The following ROR2 variants were observed in gnomAD, a reference collection of about 807,000 sequenced individuals.
The protein encoded by ROR2 is ROR family WNT receptor 2, also known as tyrosine-protein kinase transmembrane receptor ROR2.
A neutral mutation model predicts 74.9 loss-of-function variants in ROR2; 33 were observed. The ratio of observed to expected loss-of-function variants is 0.44; its 90% CI spans 0.33 to 0.59. The LOEUF is 0.59. ROR2 is among the 20% of genes least tolerant of loss of function. The pLI is 0.02. For synonymous variants in ROR2, 586 were observed against 558.7 expected, an observed-to-expected ratio of 1.05 and a Z score of -0.69; for missense variants, 1,216 against 1,313.8, an observed-to-expected ratio of 0.93 and a Z score of 1.15.
chr9:91,894,101 T>C (rs1297559337), intron 1 of ROR2, among the ~76,000 whole-genome samples: 1 of 152,190 alleles, frequency 6.6e-6, no homozygotes, highest in Non-Finnish European at 1.5e-5. Flanking sequence ...CCCTTGTGAC[T>C]GGTCCCTGCT....
At chr9:91,917,509 A>C (rs889819957) in intron 1 of ROR2, among the ~76,000 whole-genome samples, 1 of 152,154 alleles carries the variant, frequency 6.6e-6, no homozygotes, top group African/African-American at 2.4e-5. Context: ...CACACCCCGA[A>C]TCTTTAAGAG....
chr9:91,733,162 G>A lies in ROR2; in HGVS notation c.897C>T (p.Asn299=). 1 of 1,606,122 alleles carries A rather than the reference G, an allele frequency of 6.2e-7. No individual in the cohort carries two copies. Among genetic ancestry groups the A allele is most frequent in the South Asian group, 1.1e-5 (1 of 89,826 alleles). The change falls in exon 6 of 9, where the codon AAC becomes AAT. Residue 299 remains asparagine, a synonymous_variant. Coordinates refer to ENST00000375708, the MANE Select transcript of ROR2 (RefSeq NM_004560.4). The surrounding 1 kb of genome is among the most constrained non-coding windows in gnomAD (Gnocchi z 5.7). ...CGGCTGGGATGCCAATGCGCATGCA[G>A]TTGGCAGCGTCGGGGCTCTCAGGCA... ...LPMPESPDAA[N]CMRIGIPAER... is the part of the protein sequence containing the mutation.
At chr9:91,819,714 T>G (rs950167692) in intron 1 of ROR2, among the ~76,000 whole-genome samples, 1 of 151,974 alleles carries the variant, frequency 6.6e-6, no homozygotes, top group Non-Finnish European at 1.5e-5. Context: ...GTGTTCTGTG[T>G]GTGTCTTTTG....
At chr9:91,777,143 C>T (rs538678611) in intron 1 of ROR2, among the ~76,000 whole-genome samples, 6 of 152,290 alleles carry the variant, frequency 3.9e-5, no homozygotes, top group East Asian at 1.9e-4. Flanking sequence ...ACTTATATTT[C>T]GAAATTTTAA....
At chr9:91,934,414 T>C (rs553598862) in intron 1 of ROR2, among the ~76,000 whole-genome samples, 2 of 152,280 alleles carry the variant, frequency 1.3e-5, no homozygotes, top group Non-Finnish European at 2.9e-5. Flanking sequence ...GAACAAATAA[T>C]TGGCCCCAGC....
chr9:91,738,565 C>T (rs1825114097), intron 4 of ROR2, among the ~76,000 whole-genome samples: 1 of 152,154 alleles, frequency 6.6e-6, no homozygotes, highest in Non-Finnish European at 1.5e-5. Context: ...ATAACGATGA[C>T]AATCCACAAG....
intron 1 of ROR2, among the ~76,000 whole-genome samples, chr9:91,847,652 G>A (rs571345453): frequency 1.6e-4 from 25 of 152,222 alleles, no homozygotes; most frequent in Non-Finnish European, 2.9e-4. Flanking sequence ...TCTCATTTCC[G>A]TGTGCAGCCT....
chr9:91,755,455 CT>C (rs1825717943), intron 4 of ROR2, among the ~76,000 whole-genome samples: 1 of 152,266 alleles, frequency 6.6e-6, no homozygotes. Flanking sequence ...GAGCACTCCT[CT>C]GGGTACACGA....
intron 1 of ROR2, among the ~76,000 whole-genome samples, chr9:91,826,418 T>C (rs7871688): frequency 6.6e-6 from 1 of 152,192 alleles, no homozygotes; most frequent in Non-Finnish European, 1.5e-5. Context: ...AAAAGAAATA[T>C]ACTGGTTAAT....
At chr9:91,857,860 T>C (rs940674493) in intron 1 of ROR2, among the ~76,000 whole-genome samples, 5 of 152,164 alleles carry the variant, frequency 3.3e-5, no homozygotes, top group African/African-American at 9.7e-5. Context: ...TCCCACCACA[T>C]TTTTCTTTAA....
intron 1 of ROR2, among the ~76,000 whole-genome samples, chr9:91,776,808 T>C (rs1826433957): frequency 6.6e-6 from 1 of 150,644 alleles, no homozygotes; most frequent in South Asian, 2.1e-4. Context: ...CAAACATACT[T>C]GCACTATATA....
chr9:91,854,564 C>T (rs576408656), intron 1 of ROR2, among the ~76,000 whole-genome samples: 47 of 152,232 alleles, frequency 3.1e-4, no homozygotes, highest in Non-Finnish European at 3.5e-4. Flanking sequence ...CTTCCTATTG[C>T]TGCCCCAGTT....
intron 1 of ROR2, among the ~76,000 whole-genome samples, chr9:91,927,915 T>C (rs1342226758): frequency 6.6e-6 from 1 of 152,126 alleles, no homozygotes; most frequent in East Asian, 1.9e-4. Context: ...GGGTCAATTG[T>C]ATCAACTATA....
chr9:91,761,009 T>C lies in ROR2; in HGVS notation c.176-3450A>G, dbSNP rs7871037. Among the ~76,000 whole-genome samples, 1,259 of 152,336 alleles carry C rather than the reference T, an allele frequency of 8.3e-3. 24 individuals are homozygous for C. The highest frequency in any genetic ancestry group is 0.028 in the African/African-American group (1,147 of 41,576). On this transcript the variant is annotated intron_variant, in intron 2 of 8. Coordinates refer to ENST00000375708, the MANE Select transcript of ROR2 (RefSeq NM_004560.4). ...AACTATTAGATAGCAATCATCTACA[T>C]AGTGTACTAATTTCCTGTGGCTGCT...
chr9:91,887,526 C>A (rs916524279), intron 1 of ROR2, among the ~76,000 whole-genome samples: 1 of 152,140 alleles, frequency 6.6e-6, no homozygotes, highest in Non-Finnish European at 1.5e-5. Context: ...CAAGTTTTTT[C>A]CCACTGTTCT....
At chr9:91,818,152 T>G (rs1828007463) in intron 1 of ROR2, among the ~76,000 whole-genome samples, 2 of 152,318 alleles carry the variant, frequency 1.3e-5, no homozygotes, top group Non-Finnish European at 2.9e-5. Flanking sequence ...AAAGTTTGAC[T>G]TCTTTCCAAG....
At chr9:91,892,052 G>GA (rs74312809) in intron 1 of ROR2, among the ~76,000 whole-genome samples, 4,029 of 70,996 alleles carry the variant, frequency 0.057, 226 homozygotes, top group African/African-American at 0.13. Flanking sequence ...TGTCTAAGAA[G>GA]AAAAAAAAAA....
chr9:91,818,059 T>C (rs569927415), intron 1 of ROR2, among the ~76,000 whole-genome samples: 1 of 152,328 alleles, frequency 6.6e-6, no homozygotes, highest in South Asian at 2.1e-4. Flanking sequence ...CTAAACTCCG[T>C]GTTTGTTTTT....
At chr9:91,947,747 C>G (rs186687461) in intron 1 of ROR2, among the ~76,000 whole-genome samples, 1 of 152,272 alleles carries the variant, frequency 6.6e-6, no homozygotes, top group East Asian at 1.9e-4. Context: ...TAAGAACTTA[C>G]AAATCCTTTT....
Sources: allele counts gnomAD v4.1 joint callset (sites outside exome capture counted in the v4.1 genomes callset), GRCh38; gene constraint gnomAD v4.1.1; non-coding constraint Gnocchi (gnomAD v3.1); transcripts MANE v1.5; gene names NCBI Gene and HGNC (gene_info 2026-07-23, HGNC 2026-07-21).